VGLL4: variants seen among roughly 807,000 people sequenced by gnomAD.
VGLL4 encodes vestigial like family member 4.
VGLL4 carries 7 observed loss-of-function variants against 21.0 expected under a neutral mutation model. That is an observed-to-expected ratio of 0.33 (90% CI 0.19 to 0.63). The LOEUF (loss-of-function observed/expected upper bound fraction) is 0.63. Ranked by LOEUF, VGLL4 falls within the 20% of genes least tolerant of loss-of-function variation. The pLI is 0.78. For missense variants in VGLL4, 394 were observed against 425.7 expected, an observed-to-expected ratio of 0.93 and a Z score of 0.66; for synonymous variants, 222 against 173.2, an observed-to-expected ratio of 1.28 and a Z score of -2.21.
At chr3:11,608,896 C>T (rs1310269427) in intron 1 of VGLL4, among the ~76,000 whole-genome samples, 2 of 152,200 alleles carry the variant, frequency 1.3e-5, no homozygotes, top group Non-Finnish European at 2.9e-5. Flanking sequence ...GAGTCTCACT[C>T]TGTCGCCCAG....
intron 2 of VGLL4, among the ~76,000 whole-genome samples, chr3:11,651,688 A>C (rs1315113208): frequency 1.3e-5 from 2 of 152,212 alleles, no homozygotes; most frequent in African/African-American, 4.8e-5. Flanking sequence ...AGAAACCAAA[A>C]CAAAACAAAC....
intron 1 of VGLL4, among the ~76,000 whole-genome samples, chr3:11,642,215 T>A (rs576413008): frequency 7.9e-5 from 12 of 152,192 alleles, no homozygotes; most frequent in African/African-American, 2.6e-4. Flanking sequence ...CAGGAACTAG[T>A]AGGAGTAAAG....
intron 2 of VGLL4, among the ~76,000 whole-genome samples, chr3:11,660,177 A>C (rs1338893349): frequency 1.3e-5 from 2 of 150,380 alleles, no homozygotes; most frequent in South Asian, 4.2e-4. Flanking sequence ...AAAAAAAAAA[A>C]TTTCCCATCC....
In VGLL4 at chr3:11,700,962, T is replaced by C. The variant is rs1226020335; in HGVS notation, c.64+2009A>G. On this transcript the variant is annotated intron_variant, in intron 2 of 5. Transcript: ENST00000273038. Reference sequence around the variant, plus strand: ...TCACAACAATCAAAAGCTAAGTAAGTGTGAATTATACAAGAGGTTGAAAAA... The same window carrying C: ...TCACAACAATCAAAAGCTAAGTAAGCGTGAATTATACAAGAGGTTGAAAAA... Among the ~76,000 whole-genome samples, 7 of 152,136 alleles carry C rather than the reference T, an allele frequency of 4.6e-5. 1 individual carries two copies. The highest frequency in any genetic ancestry group is 1.5e-5 in the Non-Finnish European group (1 of 68,028).
intron 2 of VGLL4, among the ~76,000 whole-genome samples, chr3:11,599,402 T>C (rs954537974): frequency 6.6e-6 from 1 of 151,018 alleles, no homozygotes; most frequent in Non-Finnish European, 1.5e-5. Flanking sequence ...ATAATGTCAA[T>C]TGTGATTTGC....
intron 2 of VGLL4, among the ~76,000 whole-genome samples, chr3:11,566,721 A>G: frequency 6.6e-6 from 1 of 152,140 alleles, no homozygotes; most frequent in East Asian, 1.9e-4. Flanking sequence ...GCTGCAGTGT[A>G]GAATCCCAAG....
intron 2 of VGLL4, among the ~76,000 whole-genome samples, chr3:11,579,157 G>A (rs2074151599): frequency 6.7e-6 from 1 of 149,486 alleles, no homozygotes; most frequent in African/African-American, 2.5e-5. Context: ...CATCCAGGTA[G>A]TCAGGGCTAC....
At chr3:11,561,103 C>T (rs9854573) in intron 3 of VGLL4, among the ~76,000 whole-genome samples, 21,729 of 151,754 alleles carry the variant, frequency 0.14, 1,784 homozygotes, top group Middle Eastern at 0.22. Context: ...CTGGCTGCAC[C>T]CATGACCTTG....
At chr3:11,692,743 G>A (rs1024942086) in intron 2 of VGLL4, among the ~76,000 whole-genome samples, 1 of 151,758 alleles carries the variant, frequency 6.6e-6, no homozygotes, top group Admixed American at 6.6e-5. Flanking sequence ...GTTTTTTTGA[G>A]GGGGGGTGGG....
At chr3:11,665,653 A>C (rs2076111586) in intron 2 of VGLL4, among the ~76,000 whole-genome samples, 2 of 152,258 alleles carry the variant, frequency 1.3e-5, no homozygotes, top group African/African-American at 4.8e-5. Flanking sequence ...AAGTCTCCAC[A>C]GAACACCACG....
At chr3:11,695,369 G>A (rs1173721301) in intron 2 of VGLL4, among the ~76,000 whole-genome samples, 1 of 152,074 alleles carries the variant, frequency 6.6e-6, no homozygotes, top group African/African-American at 2.4e-5. Context: ...TCATTCTTAA[G>A]AAATGCACAC....
chr3:11,623,750 T>G (rs12636753), intron 1 of VGLL4, among the ~76,000 whole-genome samples: 1 of 70,704 alleles, frequency 1.4e-5, no homozygotes, highest in African/African-American at 1.4e-4. Flanking sequence ...GAAAATTTTC[T>G]TTTTTTTTTT....
At chr3:11,593,336 T>C (rs2074549823) in intron 2 of VGLL4, among the ~76,000 whole-genome samples, 1 of 152,224 alleles carries the variant, frequency 6.6e-6, no homozygotes, top group African/African-American at 2.4e-5. Context: ...AGGTCTCATA[T>C]ATATAATCAA....
chr3:11,581,059 A>G (rs1575411384), intron 2 of VGLL4, among the ~76,000 whole-genome samples: 1 of 138,788 alleles, frequency 7.2e-6, no homozygotes, highest in Non-Finnish European at 1.5e-5. Context: ...TCAATCTGCA[A>G]CTCCTTTTTT....
chr3:11,558,909 A>G, intron 4 of VGLL4, 82 bp from the exon 5 acceptor site: 4 of 1,512,282 alleles, frequency 2.6e-6, no homozygotes, highest in Non-Finnish European at 3.6e-6. Flanking sequence ...TCCCTCAGGC[A>G]GCCCAGAGCC....
intron 2 of VGLL4, among the ~76,000 whole-genome samples, chr3:11,586,533 T>C (rs1052522253): frequency 6.6e-6 from 1 of 152,236 alleles, no homozygotes; most frequent in Non-Finnish European, 1.5e-5. Context: ...TACAGACTTT[T>C]TTCTTGCTTA....
intron 1 of VGLL4, among the ~76,000 whole-genome samples, chr3:11,630,270 T>C (rs927794302): frequency 1.3e-5 from 2 of 152,212 alleles, no homozygotes; most frequent in Non-Finnish European, 2.9e-5. Flanking sequence ...AAGTTAACAA[T>C]GAGCAACACC....
intron 2 of VGLL4, among the ~76,000 whole-genome samples, chr3:11,695,805 C>G (rs1355805239): frequency 1.3e-5 from 2 of 152,122 alleles, no homozygotes; most frequent in African/African-American, 4.8e-5. Context: ...ACGGCACACC[C>G]CTCTGGTATT....
chr3:11,711,847 T>C (rs1316755097), intron 1 of VGLL4, among the ~76,000 whole-genome samples: 1 of 152,186 alleles, frequency 6.6e-6, no homozygotes, highest in Non-Finnish European at 1.5e-5. Context: ...ATATGGATGA[T>C]ACTGGGTGAT....
Sources: allele counts gnomAD v4.1 joint callset (sites outside exome capture counted in the v4.1 genomes callset), GRCh38; gene constraint gnomAD v4.1.1; transcripts MANE v1.5; gene names NCBI Gene and HGNC (gene_info 2026-07-23, HGNC 2026-07-21).